Variants in MOSMO observed in about 807,000 individuals in gnomAD.
MOSMO encodes the protein modulator of smoothened.
A neutral mutation model predicts 18.4 loss-of-function variants in MOSMO; 5 were observed. That is an observed-to-expected ratio of 0.27 (90% CI 0.14 to 0.57). The LOEUF (loss-of-function observed/expected upper bound fraction) is 0.57, where lower values mean the gene tolerates loss of function less well. Among genes scored for constraint, MOSMO ranks in the 20% least tolerant of loss-of-function variants. The pLI is 0.92. For missense variants in MOSMO, 138 were observed against 211.8 expected (o/e 0.65, Z 2.16); for synonymous variants, 82 against 82.3 (o/e 1.00, Z 0.02).
chr16:22,086,394 C>G (rs1465835268), downstream of MOSMO, among the ~76,000 whole-genome samples: 1 of 152,178 alleles, frequency 6.6e-6, no homozygotes, highest in Non-Finnish European at 1.5e-5. Context: ...ATTCTAGATT[C>G]ACTACAACCT....
At chr16:22,089,466 T>A (rs1056416943), downstream of MOSMO, among the ~76,000 whole-genome samples, 5 of 152,054 alleles carry the variant, frequency 3.3e-5, no homozygotes, top group African/African-American at 9.7e-5. Context: ...CCAGGGAAAT[T>A]TTCCCAAACC....
At chr16:22,045,360 G>T (rs1900287189) in intron 1 of MOSMO, among the ~76,000 whole-genome samples, 2 of 152,122 alleles carry the variant, frequency 1.3e-5, no homozygotes, top group Admixed American at 1.3e-4. Flanking sequence ...AGTGGGAAAG[G>T]CATAGAAAGG....
chr16:22,037,224 C>T (rs1900126530), intron 1 of MOSMO, among the ~76,000 whole-genome samples: 2 of 152,090 alleles, frequency 1.3e-5, no homozygotes, highest in Admixed American at 1.3e-4. Context: ...GAGCTATGGA[C>T]TACACCACTG....
chr16:22,056,365 C>CTTTTTTTTTTTTTTT (rs35642716), intron 1 of MOSMO, among the ~76,000 whole-genome samples: 2 of 54,612 alleles, frequency 3.7e-5, no homozygotes, highest in African/African-American at 7.9e-5. Context: ...TTCTTTCTTT[C>CTTTTTTTTTTTTTTT]TTTTTTTTTT....
At chr16:22,087,525 T>C (rs1450472010), downstream of MOSMO, 1 of 152,246 alleles carries the variant, frequency 6.6e-6, no homozygotes, top group East Asian at 1.9e-4. Flanking sequence ...ATAAAAAATA[T>C]GAAAACTCAC....
At chr16:22,058,425 CAAA>C (rs924395309) in intron 1 of MOSMO, among the ~76,000 whole-genome samples, 4 of 56,734 alleles carry the variant, frequency 7.1e-5, no homozygotes, top group South Asian at 6.1e-4. Context: ...GACTCCGTCT[CAAA>C]AAAAAAAAAA....
intron 1 of MOSMO, among the ~76,000 whole-genome samples, chr16:22,040,121 A>G (rs1900182771): frequency 6.6e-6 from 1 of 152,234 alleles, no homozygotes; most frequent in African/African-American, 2.4e-5. Context: ...AAAGATCTGG[A>G]CAGGAATAAT....
chr16:22,075,428 G>T, intron 1 of MOSMO, 59 bp from the exon 2 acceptor site: 1 of 1,189,760 alleles, frequency 8.4e-7, no homozygotes, highest in East Asian at 3.8e-5. Flanking sequence ...TGGTGGTGAG[G>T]AATATTCCCT....
chr16:22,068,199 T>G (rs979215966), intron 1 of MOSMO, among the ~76,000 whole-genome samples: 2 of 152,232 alleles, frequency 1.3e-5, no homozygotes, highest in African/African-American at 4.8e-5. Context: ...TATAAAAGTG[T>G]GTTAGGCTTA....
At chr16:22,048,423 A>G (rs1900357870) in intron 1 of MOSMO, among the ~76,000 whole-genome samples, 1 of 152,140 alleles carries the variant, frequency 6.6e-6, no homozygotes, top group Admixed American at 6.5e-5. Flanking sequence ...CCTCTCAACA[A>G]TGTGTAAAAG....
At chr16:22,040,216 G>T (rs969618611) in intron 1 of MOSMO, among the ~76,000 whole-genome samples, 11 of 152,238 alleles carry the variant, frequency 7.2e-5, no homozygotes, top group African/African-American at 2.6e-4. Context: ...GAGCTAAATG[G>T]TGAGAACACA....
intron 1 of MOSMO, among the ~76,000 whole-genome samples, chr16:22,010,590 A>G (rs774000866): frequency 7.2e-5 from 11 of 152,204 alleles, no homozygotes; most frequent in Non-Finnish European, 1.6e-4. Flanking sequence ...TATAAAAGAG[A>G]AGAAAGATAA....
At chr16:22,021,711 T>G (rs1169348568) in intron 1 of MOSMO, among the ~76,000 whole-genome samples, 2 of 151,868 alleles carry the variant, frequency 1.3e-5, no homozygotes, top group East Asian at 3.9e-4. Flanking sequence ...GGTGGGAGGA[T>G]CTCATGAGCC....
rs190805582 is a variant in MOSMO, at chr16:22,045,699, A to G, written c.107-29788A>G. On this transcript the variant is annotated intron_variant, in intron 1 of 2. Coordinates refer to ENST00000542527, the MANE Select transcript of MOSMO (RefSeq NM_001164579.2). The stretch of plus-strand genomic sequence containing the variant: ...AATGCATATATTCTATGGATCATTT[A>G]TGGATCCATAAAATATTCTAAAATA... Among the ~76,000 whole-genome samples, 722 of 152,332 alleles carry G rather than the reference A, an allele frequency of 4.7e-3. 4 individuals carry two copies. Among genetic ancestry groups the G allele is most frequent in the Non-Finnish European group, 4.8e-3 (328 of 68,032 alleles).
At chr16:22,052,874 G>A (rs1225987812) in intron 1 of MOSMO, among the ~76,000 whole-genome samples, 4 of 151,596 alleles carry the variant, frequency 2.6e-5, no homozygotes, top group Non-Finnish European at 5.9e-5. Context: ...AAGGAGAGTG[G>A]TTACCTCAGG....
At chr16:22,053,098 G>A (rs1386401578) in intron 1 of MOSMO, among the ~76,000 whole-genome samples, 1 of 151,270 alleles carries the variant, frequency 6.6e-6, no homozygotes, top group Non-Finnish European at 1.5e-5. Flanking sequence ...GGTACCACAG[G>A]CACCCGCCAC....
intron 1 of MOSMO, among the ~76,000 whole-genome samples, chr16:22,028,446 G>C (rs1252693885): frequency 2.0e-5 from 3 of 151,300 alleles, no homozygotes; most frequent in Non-Finnish European, 2.9e-5. Context: ...CAGTTCAGTG[G>C]CATTAAGTTT....
chr16:22,035,698 G>A (rs775314098), intron 1 of MOSMO, among the ~76,000 whole-genome samples: 2 of 152,166 alleles, frequency 1.3e-5, no homozygotes, highest in Non-Finnish European at 2.9e-5. Flanking sequence ...GTTCTCTGAT[G>A]GATTTAAGAA....
At chr16:22,019,351 G>A (rs1468836470) in intron 1 of MOSMO, among the ~76,000 whole-genome samples, 1 of 152,046 alleles carries the variant, frequency 6.6e-6, no homozygotes, top group African/African-American at 2.4e-5. Flanking sequence ...ACTCTCTCCA[G>A]TCCCTGTTTT....
Sources: allele counts gnomAD v4.1 joint callset (sites outside exome capture counted in the v4.1 genomes callset), GRCh38; gene constraint gnomAD v4.1.1; transcripts MANE v1.5; gene names NCBI Gene and HGNC (gene_info 2026-07-23, HGNC 2026-07-21).